The following BCAS3 variants were observed in gnomAD, a reference collection of about 807,000 sequenced individuals.
BCAS3 encodes the protein BCAS3 microtubule associated cell migration factor, also known as BCAS4/BCAS3 fusion.
Under a neutral mutation model 116.1 loss-of-function variants are expected in BCAS3, and 53 were observed. The observed-to-expected ratio is 0.46, with a 90% CI of 0.37 to 0.57. The LOEUF is 0.57. Among genes scored for constraint, BCAS3 ranks in the 20% least tolerant of loss-of-function variants. The probability of loss-of-function intolerance (pLI) is 0.00; values close to 1 mark genes in which losing one functional copy is unlikely to be tolerated. For synonymous variants in BCAS3, 391 were observed against 408.2 expected (o/e 0.96, Z 0.51); for missense variants, 917 against 1,165.4 (o/e 0.79, Z 3.10).
At chr17:61,240,362 C>T (rs1160533197) in intron 22 of BCAS3, among the ~76,000 whole-genome samples, 2 of 152,136 alleles carry the variant, frequency 1.3e-5, no homozygotes, top group Non-Finnish European at 2.9e-5. Flanking sequence ...TAAAAAGGAA[C>T]AAGTGGGGCC....
intron 4 of BCAS3, among the ~76,000 whole-genome samples, chr17:60,695,984 A>G (rs1274963995): frequency 3.3e-5 from 5 of 152,128 alleles, no homozygotes; most frequent in Non-Finnish European, 7.4e-5. Context: ...TCTTGTCACT[A>G]CTTCTTTCTG....
intron 14 of BCAS3, among the ~76,000 whole-genome samples, chr17:60,976,019 G>GTTTTTTTTTTTTT (rs1491166073): frequency 1.1e-4 from 2 of 17,488 alleles, no homozygotes; most frequent in Non-Finnish European, 2.4e-4. Flanking sequence ...ATAGATTTTT[G>GTTTTTTTTTTTTT]CTTTTTTTTT....
chr17:61,048,383 C>G (rs891359648), intron 19 of BCAS3, among the ~76,000 whole-genome samples: 1 of 151,982 alleles, frequency 6.6e-6, no homozygotes, highest in Admixed American at 6.6e-5. Context: ...ATGAGACAAG[C>G]CCTGCACTTG....
intron 12 of BCAS3, among the ~76,000 whole-genome samples, chr17:60,919,017 T>C (rs1182225913): frequency 1.3e-5 from 2 of 152,180 alleles, no homozygotes; most frequent in Non-Finnish European, 2.9e-5. Context: ...ATGTCATTCA[T>C]TGAGTTATTC....
intron 22 of BCAS3, among the ~76,000 whole-genome samples, chr17:61,093,191 A>T (rs975201219): frequency 6.6e-6 from 1 of 152,140 alleles, no homozygotes; most frequent in Non-Finnish European, 1.5e-5. Flanking sequence ...TACAAGTATA[A>T]GCCACCATGC....
intron 7 of BCAS3, among the ~76,000 whole-genome samples, chr17:60,817,941 A>G (rs2049586309): frequency 2.7e-5 from 4 of 150,294 alleles, no homozygotes; most frequent in African/African-American, 9.9e-5. Flanking sequence ...TGCAACCTCC[A>G]CGTCCTGGGT....
At chr17:61,385,317 G>GTC (rs369753112) in intron 23 of BCAS3, among the ~76,000 whole-genome samples, 26 of 151,968 alleles carry the variant, frequency 1.7e-4, no homozygotes, top group Non-Finnish European at 2.9e-4. Flanking sequence ...CTTCCACTTA[G>GTC]TCTCTCTCTC....
chr17:60,853,239 G>A (rs2053336776), intron 7 of BCAS3, among the ~76,000 whole-genome samples: 4 of 152,140 alleles, frequency 2.6e-5, no homozygotes, highest in African/African-American at 2.4e-5. Context: ...GAGACATTAA[G>A]TTGAAATTTT....
intron 22 of BCAS3, among the ~76,000 whole-genome samples, chr17:61,306,632 T>C (rs1035322653): frequency 1.3e-5 from 2 of 151,940 alleles, no homozygotes; most frequent in Non-Finnish European, 2.9e-5. Context: ...ATAAATTAGC[T>C]GGGCATGGTG....
intron 22 of BCAS3, among the ~76,000 whole-genome samples, chr17:61,271,809 G>T (rs1405706345): frequency 6.6e-6 from 1 of 151,824 alleles, no homozygotes; most frequent in African/African-American, 2.4e-5. Context: ...ACCATTTGGG[G>T]TTTTTGTTTT....
rs545212016 is a variant in BCAS3, at chr17:61,153,309, C to G, written c.2425+68745C>G. 3.3e-5 allele frequency among the ~76,000 whole-genome samples: 5 copies of G among 152,316 alleles called. 1 individual carries two copies. The South Asian group carries it at 1.0e-3, about 32-fold the overall frequency. The stretch of plus-strand genomic sequence containing the variant: ...GCCAAGTAAAGTAAAATGTTAGTTG[C>G]TAAGTCTCCAGTGGGGTACTCCACC... On this transcript the variant is annotated intron_variant, in intron 22 of 23. Coordinates refer to ENST00000407086, the MANE Select transcript of BCAS3 (RefSeq NM_017679.5).
chr17:60,967,598 A>G lies in BCAS3; in HGVS notation c.1221+20246A>G, dbSNP rs1041907052. On this transcript the variant is annotated intron_variant, in intron 14 of 23. Coordinates refer to ENST00000407086, the MANE Select transcript of BCAS3 (RefSeq NM_017679.5). The surrounding 1 kb of genome is among the most constrained non-coding windows in gnomAD (Gnocchi z 4.7). ...TTTCTTAAGTTTTAGAAAGTTTTCCATTATTATTTCTTTGGCTGCATTTTC... is the reference window on the plus strand; with the variant it reads ...TTTCTTAAGTTTTAGAAAGTTTTCCGTTATTATTTCTTTGGCTGCATTTTC... 2.0e-5 allele frequency among the ~76,000 whole-genome samples: 3 copies of G among 151,998 alleles called. No individual in the cohort carries two copies. The highest frequency in any genetic ancestry group is 4.4e-5 in the Non-Finnish European group (3 of 68,002).
At chr17:61,292,848 T>A (rs1012046295) in intron 22 of BCAS3, among the ~76,000 whole-genome samples, 2 of 152,190 alleles carry the variant, frequency 1.3e-5, no homozygotes, top group South Asian at 2.1e-4. Context: ...ATTTCATTTT[T>A]AAAAAATCTG....
chr17:60,842,988 C>T (rs2052106255), intron 7 of BCAS3, among the ~76,000 whole-genome samples: 1 of 151,820 alleles, frequency 6.6e-6, no homozygotes, highest in Non-Finnish European at 1.5e-5. Context: ...CCTCTCTCCT[C>T]AGCCTCCTAA....
intron 7 of BCAS3, among the ~76,000 whole-genome samples, chr17:60,840,192 T>C (rs9907686): frequency 0.22 from 33,251 of 151,974 alleles, 4,703 homozygotes; most frequent in African/African-American, 0.41. Context: ...TTGTTAGGGA[T>C]TTATGAAACT....
intron 22 of BCAS3, among the ~76,000 whole-genome samples, chr17:61,272,352 C>T (rs1490248654): frequency 6.6e-6 from 1 of 151,812 alleles, no homozygotes; most frequent in South Asian, 2.1e-4. Flanking sequence ...GTAATTTTGC[C>T]CAGGGCACAG....
chr17:60,774,701 T>C (rs1846703361), intron 6 of BCAS3, among the ~76,000 whole-genome samples: 1 of 152,240 alleles, frequency 6.6e-6, no homozygotes. Flanking sequence ...TTAAGAGAGC[T>C]AGATAGTATT....
intron 4 of BCAS3, among the ~76,000 whole-genome samples, chr17:60,698,883 C>G (rs188152149): frequency 3.3e-5 from 5 of 152,202 alleles, no homozygotes; most frequent in East Asian, 3.9e-4. Flanking sequence ...TGGTGAAACC[C>G]CATCTTTACT....
At position 61,380,574 on chromosome 17, in the gene BCAS3, A is replaced by G. The variant is rs1335084144; in HGVS notation, c.2594-11403A>G. 3 of 1,597,288 alleles carry G rather than the reference A, an allele frequency of 1.9e-6. No homozygotes were observed. The highest frequency in any genetic ancestry group is 1.7e-6 in the Non-Finnish European group (2 of 1,178,950). On this transcript the variant is annotated intron_variant, in intron 23 of 23. Coordinates refer to ENST00000407086, the MANE Select transcript of BCAS3 (RefSeq NM_017679.5). The surrounding 1 kb of genome is among the most constrained non-coding windows in gnomAD (Gnocchi z 4.2). ...ACACGTGGCAGTGAAGTGTTTTGGT[A>G]TGTAACGTCCTATCTTTGCCTATGT...
Sources: allele counts gnomAD v4.1 joint callset (sites outside exome capture counted in the v4.1 genomes callset), GRCh38; gene constraint gnomAD v4.1.1; non-coding constraint Gnocchi (gnomAD v3.1); transcripts MANE v1.5; gene names NCBI Gene and HGNC (gene_info 2026-07-23, HGNC 2026-07-21).